ARHGEF3: variants seen among roughly 807,000 people sequenced by gnomAD.
ARHGEF3 encodes the protein Rho guanine nucleotide exchange factor 3.
ARHGEF3 carries 28 observed loss-of-function variants against 63.2 expected under a neutral mutation model. That is an observed-to-expected ratio of 0.44 (90% CI 0.33 to 0.61). The LOEUF is 0.61. ARHGEF3 is among the 20% of genes least tolerant of loss of function. ARHGEF3 has a pLI of 0.03. For missense variants in ARHGEF3, 533 were observed against 659.3 expected (o/e 0.81, Z 2.10); for synonymous variants, 266 against 254.2 (o/e 1.05, Z -0.44).
chr3:56,917,369 T>G (rs998706476), intron 3 of ARHGEF3, among the ~76,000 whole-genome samples: 1 of 152,188 alleles, frequency 6.6e-6, no homozygotes, highest in Non-Finnish European at 1.5e-5. Context: ...ATTACAAATT[T>G]TAGCTGTTAA....
intron 2 of ARHGEF3, among the ~76,000 whole-genome samples, chr3:57,005,646 C>T (rs1242911477): frequency 6.6e-6 from 1 of 152,198 alleles, no homozygotes; most frequent in East Asian, 1.9e-4. Context: ...TGTCTATAGA[C>T]CTCACTCATC....
intron 4 of ARHGEF3, among the ~76,000 whole-genome samples, chr3:56,848,539 A>G (rs1206736804): frequency 6.6e-6 from 1 of 152,236 alleles, no homozygotes; most frequent in Non-Finnish European, 1.5e-5. Context: ...TAGGAGCTCA[A>G]CAAAAGGTAA....
chr3:56,932,204 A>G (rs1356156955), intron 3 of ARHGEF3, among the ~76,000 whole-genome samples: 1 of 152,186 alleles, frequency 6.6e-6, no homozygotes, highest in Non-Finnish European at 1.5e-5. Context: ...TTGCCATTCA[A>G]ATATTTGTCT....
chr3:57,016,444 G>A (rs768046447), intron 2 of ARHGEF3, among the ~76,000 whole-genome samples: 1 of 151,916 alleles, frequency 6.6e-6, no homozygotes, highest in Non-Finnish European at 1.5e-5. Flanking sequence ...AGCTACTCGG[G>A]AGGCTGAGGC....
chr3:56,916,616 C>T lies in ARHGEF3; in HGVS notation c.130-34262G>A, dbSNP rs959992659. On this transcript the variant is annotated intron_variant, in intron 3 of 12. Transcript: ENST00000338458. Reference sequence around the variant, plus strand: ...GGTACACCAGAAGTTCAGTTTCTGACTGACAATCCCCAGCCTGTAAGAGAC... The same window carrying T: ...GGTACACCAGAAGTTCAGTTTCTGATTGACAATCCCCAGCCTGTAAGAGAC... The T allele has an allele frequency of 1.4e-5, 10 of 721,826 alleles. No homozygotes were observed. The Admixed American group carries it at 1.7e-4, about 12-fold the overall frequency. The allele number at this position is 721,826 out of a possible 1,614,324, so 44.7% of individuals were successfully genotyped here.
At chr3:56,953,654 G>A (rs75663994) in intron 3 of ARHGEF3, among the ~76,000 whole-genome samples, 1 of 152,268 alleles carries the variant, frequency 6.6e-6, no homozygotes, top group Non-Finnish European at 1.5e-5. Context: ...CTTGACCATA[G>A]CGATTGGCCG....
chr3:56,734,881 TG>T (rs1168875523), intron 8 of ARHGEF3, among the ~76,000 whole-genome samples: 1 of 152,204 alleles, frequency 6.6e-6, no homozygotes, highest in Non-Finnish European at 1.5e-5. Context: ...AATTTTCTTT[TG>T]GGGGCTGTTT....
chr3:57,036,385 G>C (rs1457232033), intron 1 of ARHGEF3, among the ~76,000 whole-genome samples: 1 of 152,096 alleles, frequency 6.6e-6, no homozygotes, highest in Non-Finnish European at 1.5e-5. Context: ...AGGAGCAACA[G>C]AGGCAAAGAG....
At chr3:56,820,910 T>C (rs1416584756) in intron 4 of ARHGEF3, among the ~76,000 whole-genome samples, 1 of 151,198 alleles carries the variant, frequency 6.6e-6, no homozygotes, top group Non-Finnish European at 1.5e-5. Context: ...CCCAGCACTT[T>C]GGGAGGCCAA....
At chr3:57,058,593 C>T (rs1159262008) in intron 1 of ARHGEF3, among the ~76,000 whole-genome samples, 3 of 152,124 alleles carry the variant, frequency 2.0e-5, no homozygotes, top group African/African-American at 7.2e-5. Flanking sequence ...AGCGATTCCT[C>T]AGGGATCTAG....
chr3:56,849,116 C>T (rs2039586316), intron 4 of ARHGEF3, among the ~76,000 whole-genome samples: 1 of 152,146 alleles, frequency 6.6e-6, no homozygotes. Flanking sequence ...GTGAATCAAG[C>T]CTCACTCAGC....
At position 57,030,148 on chromosome 3, in the gene ARHGEF3, T is replaced by G. The variant is rs540593151; in HGVS notation, c.62+4940A>C. Among the ~76,000 whole-genome samples the G allele has an allele frequency of 2.0e-5, 3 of 152,310 alleles. No homozygotes were observed. In the East Asian group the frequency reaches 5.8e-4, roughly 29 times the overall value. On this transcript the variant is annotated intron_variant, in intron 2 of 12. Coordinates refer to the ARHGEF3 transcript ENST00000338458. ...CGCTGGGGCAAATTGCAATTCTGGG[T>G]CAAGTCCTTCATGTTGCCATCTACA...
At chr3:56,765,445 A>G (rs1472728635) in intron 2 of ARHGEF3, among the ~76,000 whole-genome samples, 2 of 152,118 alleles carry the variant, frequency 1.3e-5, no homozygotes, top group African/African-American at 4.8e-5. Context: ...TCCACCCCCA[A>G]GCTCATCTCC....
rs1215396448 is a variant in ARHGEF3 at position 56,967,666 on chromosome 3, TATA to T, written c.63-8780_63-8778del. 6.1e-5 allele frequency among the ~76,000 whole-genome samples: 5 copies of T among 82,562 alleles called. No individual in the cohort carries two copies. In the East Asian group the frequency reaches 1.2e-3, roughly 20 times the overall value. 54.2% of individuals were successfully genotyped at this position (82,562 alleles called of 152,430 possible). A position where few individuals can be genotyped will look rare whatever the true frequency, so the allele number is the denominator to read the frequency against. ...TATAATATATAAAATAGCTATTATA[TATA>T]ATACTTATTATATTATATATAACAT... On this transcript the variant is annotated intron_variant, in intron 2 of 12. Coordinates refer to the ARHGEF3 transcript ENST00000338458.
At chr3:57,071,489 G>C (rs527855052) in intron 1 of ARHGEF3, among the ~76,000 whole-genome samples, 2 of 151,810 alleles carry the variant, frequency 1.3e-5, no homozygotes, top group Non-Finnish European at 2.9e-5. Context: ...GTGAAACCCC[G>C]TCTCTACTAA....
chr3:56,790,672 T>C (rs981322308), intron 1 of ARHGEF3, among the ~76,000 whole-genome samples: 2 of 152,224 alleles, frequency 1.3e-5, no homozygotes, highest in African/African-American at 2.4e-5. Context: ...TGACTTGCGA[T>C]TATGAAATGT....
intron 3 of ARHGEF3, among the ~76,000 whole-genome samples, chr3:56,905,313 T>C (rs559355605): frequency 1.3e-5 from 2 of 152,288 alleles, no homozygotes; most frequent in Admixed American, 1.3e-4. Context: ...GCCCTAGACA[T>C]AAATAAGCAA....
chr3:56,857,464 T>C (rs926630417), intron 4 of ARHGEF3, among the ~76,000 whole-genome samples: 2 of 152,154 alleles, frequency 1.3e-5, no homozygotes, highest in Non-Finnish European at 2.9e-5. Context: ...CTGGCAGCCA[T>C]CTTGCAACCA....
chr3:56,785,779 C>G (rs1374176785), intron 1 of ARHGEF3, among the ~76,000 whole-genome samples: 1 of 152,178 alleles, frequency 6.6e-6, no homozygotes, highest in African/African-American at 2.4e-5. Flanking sequence ...GCAAAGCTGA[C>G]AGTCAGGTCT....
Sources: allele counts gnomAD v4.1 joint callset (sites outside exome capture counted in the v4.1 genomes callset), GRCh38; gene constraint gnomAD v4.1.1; transcripts MANE v1.5; gene names NCBI Gene and HGNC (gene_info 2026-07-23, HGNC 2026-07-21).